The following ANKRD7 variants were observed in gnomAD, a reference collection of about 807,000 sequenced individuals.
The protein encoded by ANKRD7 is ankyrin repeat domain-containing protein 7.
Under a neutral mutation model 30.8 loss-of-function variants are expected in ANKRD7, and 30 were observed. The observed-to-expected ratio is 0.97, with a 90% confidence interval of 0.73 to 1.32. The LOEUF is 1.32. Among genes scored for constraint, ANKRD7 ranks in the 40% most tolerant of loss-of-function variants. The probability of loss-of-function intolerance (pLI) is 0.00; values close to 1 mark genes in which losing one functional copy is unlikely to be tolerated. For missense variants in ANKRD7, 264 were observed against 295.7 expected (o/e 0.89, Z 0.79); for synonymous variants, 97 against 106.6 (o/e 0.91, Z 0.55).
chr7:118,227,983 C>T (rs1340950883), intron 1 of ANKRD7: 9 of 1,320,150 alleles, frequency 6.8e-6, no homozygotes, highest in Non-Finnish European at 9.0e-6. Context: ...CGCTGAATGA[C>T]TTTATAAGGT....
chr7:118,229,823 T>G (rs1004519269), intron 1 of ANKRD7, among the ~76,000 whole-genome samples: 4 of 152,076 alleles, frequency 2.6e-5, no homozygotes, highest in Non-Finnish European at 5.9e-5. Context: ...ATCAAAACGA[T>G]AATTCAACAC....
At position 118,236,867 on chromosome 7, in the gene ANKRD7, G is replaced by A; in HGVS notation, c.653G>A (p.Cys218Tyr). 1.9e-6 allele frequency: 3 copies of A among 1,613,996 alleles called. No individual in the cohort carries two copies. The highest frequency in any genetic ancestry group is 3.3e-4 in the Middle Eastern group (2 of 6,060). Residue 218 changes from cysteine to tyrosine, a missense_variant, in exon 5 of 7, where the codon TGT becomes TAT. Coordinates refer to ENST00000265224, the MANE Select transcript of ANKRD7 (RefSeq NM_019644.4). The part of the protein sequence containing the change: ...KLLLQQGVEL[C>Y]YEGIVDSQLR... ...CTTCTTCAGCAAGGTGTGGAATTAT[G>A]TTACGAAGGTATTGTGGATTCACAG...
intron 1 of ANKRD7, among the ~76,000 whole-genome samples, chr7:118,225,524 T>C (rs1427568532): frequency 6.6e-6 from 1 of 152,000 alleles, no homozygotes; most frequent in Admixed American, 6.6e-5. Flanking sequence ...GAATATTTTC[T>C]ACCCTTCCTG....
intron 3 of ANKRD7, 93 bp downstream of exon 3, chr7:118,234,967 A>G (rs1809702760): frequency 9.0e-7 from 1 of 1,105,418 alleles, no homozygotes; most frequent in Non-Finnish European, 1.2e-6. Flanking sequence ...TATATGTTAT[A>G]TAAAGCATGA....
At position 118,234,762 on chromosome 7, in the gene ANKRD7, A is replaced by G. The variant is rs1173781952; in HGVS notation, c.356A>G (p.Asp119Gly). 3 of 1,613,102 alleles carry G rather than the reference A, an allele frequency of 1.9e-6. 1 individual carries two copies. The Admixed American group carries it at 5.0e-5, about 27-fold the overall frequency. Residue 119 changes from aspartate (D) to glycine (G), a missense_variant, in exon 3 of 7, where the codon GAT (aspartate) becomes GGT (glycine). Transcript: ENST00000265224. ...TILLNFGADP[D>G]LRDIRYNTVL... ...CTTCTAAACTTTGGTGCAGACCCAG[A>G]TCTGAGGGATATTCGTTATAATACT...
intron 1 of ANKRD7, 73 bp from the exon 2 acceptor site, chr7:118,234,358 G>A (rs949082029): frequency 3.1e-6 from 3 of 956,854 alleles, no homozygotes; most frequent in African/African-American, 1.7e-5. Context: ...AATCTGGCTT[G>A]TTTTTGGGTA....
intron 1 of ANKRD7, among the ~76,000 whole-genome samples, chr7:118,226,388 T>C (rs1470358442): frequency 6.6e-6 from 1 of 152,218 alleles, no homozygotes; most frequent in Non-Finnish European, 1.5e-5. Context: ...AAAAATTTGC[T>C]AATAACTTTT....
chr7:118,240,015 G>A lies in ANKRD7; in HGVS notation c.*37+17G>A, dbSNP rs775021985. ...TAAAGGAAGGTAAGATTGCTAACTG[G>A]ATTAGTGTTTTTTTCTTGTTGCTTT... On this transcript the variant is annotated intron_variant, in intron 6 of 6. Coordinates refer to ENST00000265224, the MANE Select transcript of ANKRD7 (RefSeq NM_019644.4). The A allele has an allele frequency of 2.9e-6, 4 of 1,376,718 alleles. No homozygotes were observed. Among genetic ancestry groups the A allele is most frequent in the Non-Finnish European group, 3.9e-6 (4 of 1,034,182 alleles). 85.3% of individuals were successfully genotyped at this position (1,376,718 alleles called of 1,614,324 possible).
chr7:118,240,069 C>A (rs1418542341), intron 6 of ANKRD7, 71 bp downstream of exon 6: 2 of 825,222 alleles, frequency 2.4e-6, no homozygotes, highest in Non-Finnish European at 1.7e-6. Flanking sequence ...GGAAAGGAAA[C>A]AACTTTCTTA....
intron 3 of ANKRD7, among the ~76,000 whole-genome samples, chr7:118,235,255 C>T (rs926550829): frequency 2.0e-5 from 3 of 152,018 alleles, no homozygotes; most frequent in African/African-American, 7.2e-5. Context: ...TAGCAAATGA[C>T]ACAATATTAA....
intron 5 of ANKRD7, 114 bp downstream of exon 5, chr7:118,237,040 C>T (rs1488259449): frequency 9.3e-7 from 1 of 1,076,886 alleles, no homozygotes; most frequent in Non-Finnish European, 1.3e-6. Context: ...TAACCACATA[C>T]AAATCTGTGC....
intron 5 of ANKRD7, 32 bp downstream of exon 5, chr7:118,236,958 T>C (rs1809741234): frequency 6.2e-7 from 1 of 1,608,950 alleles, no homozygotes; most frequent in Admixed American, 1.7e-5. Context: ...TTAACAACTG[T>C]ATGGGGTTTG....
chr7:118,226,749 CCTTTT>C (rs1809549007), intron 1 of ANKRD7, among the ~76,000 whole-genome samples: 2 of 152,118 alleles, frequency 1.3e-5, no homozygotes, highest in South Asian at 4.2e-4. Context: ...GCATACGTAA[CCTTTT>C]CTTAATTTTT....
chr7:118,236,284 A>G, intron 4 of ANKRD7, 137 bp downstream of exon 4: 1 of 523,864 alleles, frequency 1.9e-6, no homozygotes, highest in East Asian at 3.1e-5. Context: ...ATAGAACCAT[A>G]AGACCCGTAG....
At position 118,240,016 on chromosome 7, in the gene ANKRD7, A is replaced by G. The variant is rs1270116412; in HGVS notation, c.*37+18A>G. The G allele has an allele frequency of 1.5e-6, 2 of 1,374,150 alleles. No homozygotes were observed. Among genetic ancestry groups the G allele is most frequent in the Admixed American group, 4.4e-5 (2 of 45,588 alleles). 85.1% of individuals were successfully genotyped at this position (1,374,150 alleles called of 1,614,324 possible). A position where few individuals can be genotyped will look rare whatever the true frequency, so the allele number is the denominator to read the frequency against. On this transcript the variant is annotated intron_variant, in intron 6 of 6. Coordinates refer to ENST00000265224, the MANE Select transcript of ANKRD7 (RefSeq NM_019644.4). Reference sequence around the variant, plus strand: ...AAAGGAAGGTAAGATTGCTAACTGGATTAGTGTTTTTTTCTTGTTGCTTTT... The same window carrying G: ...AAAGGAAGGTAAGATTGCTAACTGGGTTAGTGTTTTTTTCTTGTTGCTTTT...
intron 1 of ANKRD7, among the ~76,000 whole-genome samples, chr7:118,229,789 C>G (rs939514506): frequency 6.6e-6 from 1 of 152,042 alleles, no homozygotes; most frequent in Non-Finnish European, 1.5e-5. Context: ...CAACAAAATA[C>G]TAGCAAACCA....
At chr7:118,233,216 T>C (rs1000509277) in intron 1 of ANKRD7, among the ~76,000 whole-genome samples, 12 of 152,140 alleles carry the variant, frequency 7.9e-5, no homozygotes, top group Admixed American at 7.9e-4. Flanking sequence ...TCTTTGTTCG[T>C]TCCTTAAATT....
Position 118,240,013 on chromosome 7 carries a change from T to G in ANKRD7, c.*37+15T>G, listed in dbSNP as rs769448934. The G allele has an allele frequency of 2.7e-5, 38 of 1,383,616 alleles. No homozygotes were observed. The highest frequency in any genetic ancestry group is 2.8e-5 in the Non-Finnish European group (29 of 1,038,440). The allele number at this position is 1,383,616 out of a possible 1,614,324, so 85.7% of individuals were successfully genotyped here. A position where few individuals can be genotyped will look rare whatever the true frequency, so the allele number is the denominator to read the frequency against. On this transcript the variant is annotated intron_variant, in intron 6 of 6. Coordinates refer to ENST00000265224, the MANE Select transcript of ANKRD7 (RefSeq NM_019644.4). ...ACTAAAGGAAGGTAAGATTGCTAAC[T>G]GGATTAGTGTTTTTTTCTTGTTGCT...
At chr7:118,239,363 A>T (rs183452458) in intron 5 of ANKRD7, among the ~76,000 whole-genome samples, 8 of 152,148 alleles carry the variant, frequency 5.3e-5, no homozygotes, top group African/African-American at 1.7e-4. Flanking sequence ...TTTCATCCTG[A>T]AACACCCCTG....
Sources: gnomAD v4.1 joint callset for allele counts (sites outside exome capture counted in the v4.1 genomes callset) on GRCh38, gnomAD v4.1.1 for gene constraint, MANE v1.5 for transcripts, NCBI Gene and HGNC (gene_info 2026-07-23, HGNC 2026-07-21) for gene names.